The following POTED variants were observed in gnomAD, a reference collection of about 807,000 sequenced individuals.
The protein encoded by POTED is ANKRD26-like family B member 3.
Under a neutral mutation model 19.0 loss-of-function variants are expected in POTED, and 7 were observed. The ratio of observed to expected loss-of-function variants is 0.37; its 90% CI spans 0.21 to 0.69. The LOEUF (loss-of-function observed/expected upper bound fraction) is 0.69, where lower values mean the gene tolerates loss of function less well. Among genes scored for constraint, POTED ranks in the 30% least tolerant of loss-of-function variants. The pLI is 0.56. For synonymous variants in POTED, 16 were observed against 92.0 expected (o/e 0.17, Z 4.73); for missense variants, 54 against 278.5 (o/e 0.19, Z 5.74).
In POTED at chr21:13,612,508, G is replaced by T. The variant is rs1391385604; in HGVS notation, c.521+1759G>T. Among the ~76,000 whole-genome samples the T allele has an allele frequency of 4.0e-4, 33 of 82,040 alleles. 9 individuals are homozygous for T. Among genetic ancestry groups the T allele is most frequent in the Non-Finnish European group, 7.1e-4 (33 of 46,234 alleles). 53.8% of individuals were successfully genotyped at this position (82,040 alleles called of 152,430 possible). ...ATAAAAATAAATAAATAAATATAAA[G>T]GAATGAAATACTGTTTTCTGTCCAC... is the stretch of plus-strand genomic sequence containing the variant. On this transcript the variant is annotated intron_variant, in intron 1 of 10. Transcript: ENST00000299443.
Position 13,610,220 on chromosome 21 carries a change from T to A in POTED, c.-9T>A, listed in dbSNP as rs2011134186. 2.7e-6 allele frequency: 1 copy of A among 366,756 alleles called. No homozygotes were observed. The highest frequency in any genetic ancestry group is 4.1e-6 in the Non-Finnish European group (1 of 242,712). The allele number at this position is 366,756 out of a possible 1,614,324, so 22.7% of individuals were successfully genotyped here. A position where few individuals can be genotyped will look rare whatever the true frequency, so the allele number is the denominator to read the frequency against. ...GCTACTACCGGCCTCCCCTGGCTGTTAAAAGCAGATGGTGGCTGAGGTTTG... is the reference window on the plus strand; with the variant it reads ...GCTACTACCGGCCTCCCCTGGCTGTAAAAAGCAGATGGTGGCTGAGGTTTG... On this transcript the variant is annotated 5_prime_UTR_variant, in exon 1 of 11. Coordinates refer to ENST00000299443, the MANE Select transcript of POTED (RefSeq NM_174981.6).
chr21:13,610,785 G>A (rs2011138878), intron 1 of POTED, 36 bp downstream of exon 1: 1 of 1,070,422 alleles, frequency 9.3e-7, no homozygotes, highest in South Asian at 1.6e-5. Flanking sequence ...GCAGGACATG[G>A]GGGGATGATG....
chr21:13,617,419 A>G (rs1339107464), intron 3 of POTED, among the ~76,000 whole-genome samples: 1 of 80,204 alleles, frequency 1.2e-5, no homozygotes, highest in Non-Finnish European at 2.2e-5. Flanking sequence ...TATTGGCACT[A>G]TCTATCAGCT....
Position 13,609,787 on chromosome 21 carries a change from C to T in POTED, c.-442C>T, listed in dbSNP as rs1252008658. ...GCCCCGCACGCACATGACGGCTTGG[C>T]TTACCTGTAATGGGTGCGCTTCGCT... On this transcript the variant is annotated 5_prime_UTR_variant, in exon 1 of 11. Transcript: ENST00000299443. The T allele has an allele frequency of 9.9e-5, 12 of 120,722 alleles. 3 individuals carry two copies. The East Asian group carries it at 4.2e-3, about 42-fold the overall frequency. 7.5% of individuals were successfully genotyped at this position (120,722 alleles called of 1,614,324 possible). A position where few individuals can be genotyped will look rare whatever the true frequency, so the allele number is the denominator to read the frequency against.
At position 13,645,355 on chromosome 21, in the gene POTED, T is replaced by A. The variant is rs2011306266; in HGVS notation, c.*3789T>A. ...AAGGCAGCTAGGGAGAAAGGCAACATCACCTGCAAAGGGAATTCCATCAGA... is the reference window on the plus strand; with the variant it reads ...AAGGCAGCTAGGGAGAAAGGCAACAACACCTGCAAAGGGAATTCCATCAGA... On this transcript the variant is annotated 3_prime_UTR_variant, in exon 11 of 11. Transcript: ENST00000299443. Among the ~76,000 whole-genome samples, 1 of 130,806 alleles carries A rather than the reference T, an allele frequency of 7.6e-6. No individual in the cohort carries two copies. Among genetic ancestry groups the A allele is most frequent in the Non-Finnish European group, 1.6e-5 (1 of 60,926 alleles). 85.8% of individuals were successfully genotyped at this position (130,806 alleles called of 152,430 possible). A position where few individuals can be genotyped will look rare whatever the true frequency, so the allele number is the denominator to read the frequency against.
chr21:13,637,004 A>ATATATATATATATATATATATATATATTT (rs1481200854), intron 9 of POTED, among the ~76,000 whole-genome samples: 1 of 16,468 alleles, frequency 6.1e-5, no homozygotes. Flanking sequence ...ATATATATAT[A>ATATATATATATATATATATATATATATTT]TTTTTTTTTT....
intron 9 of POTED, 92 bp from the exon 10 acceptor site, chr21:13,639,423 A>G: frequency 2.0e-6 from 1 of 508,092 alleles, no homozygotes; most frequent in Non-Finnish European, 2.7e-6. Flanking sequence ...GCAGATATAC[A>G]TTGTGTGAAT....
chr21:13,637,677 G>T (rs2011244220), intron 9 of POTED, among the ~76,000 whole-genome samples: 1 of 77,058 alleles, frequency 1.3e-5, no homozygotes, highest in African/African-American at 1.0e-4. Flanking sequence ...TGTTGCTTTT[G>T]CTTTCAGGGT....
intron 6 of POTED, among the ~76,000 whole-genome samples, chr21:13,623,889 T>A (rs1263760141): frequency 2.2e-5 from 2 of 90,170 alleles, no homozygotes; most frequent in Admixed American, 2.2e-4. Context: ...AGTTAGGTTT[T>A]ATAAGTTGCA....
chr21:13,610,300 G>C lies in POTED; in HGVS notation c.72G>C (p.Met24Ile), dbSNP rs2123203130. Residue 24 changes from methionine to isoleucine, a missense_variant, in exon 1 of 11, where the codon ATG (methionine) becomes ATC (isoleucine). Physicochemically the swap from Met to Ile is conservative, Grantham distance 10. Transcript: ENST00000299443. The part of the protein sequence containing the change: ...VKKPFDLRSK[M>I]GKWCHHRFPC... ...AGCCATTTGATCTCAGGAGCAAGATGGGCAAGTGGTGCCACCACCGCTTCC... is the reference window on the plus strand; with the variant it reads ...AGCCATTTGATCTCAGGAGCAAGATCGGCAAGTGGTGCCACCACCGCTTCC... 4.2e-6 allele frequency: 2 copies of C among 474,882 alleles called. No individual in the cohort carries two copies. The highest frequency in any genetic ancestry group is 8.9e-5 in the Admixed American group (2 of 22,458). 29.4% of individuals were successfully genotyped at this position (474,882 alleles called of 1,614,324 possible).
In POTED at chr21:13,634,379, A is replaced by G. The variant is rs1359242009; in HGVS notation, c.1409+3272A>G. ...CATCAATTCTTAACTCAGTGGATGTATTTAAAGCATAAGTCAAATTGTGTC... is the reference window on the plus strand; with the variant it reads ...CATCAATTCTTAACTCAGTGGATGTGTTTAAAGCATAAGTCAAATTGTGTC... On this transcript the variant is annotated intron_variant, in intron 9 of 10. Coordinates refer to ENST00000299443, the MANE Select transcript of POTED (RefSeq NM_174981.6). Among the ~76,000 whole-genome samples, 23 of 82,192 alleles carry G rather than the reference A, an allele frequency of 2.8e-4. 5 individuals carry two copies. The allele number at this position is 82,192 out of a possible 152,430, so 53.9% of individuals were successfully genotyped here. A position where few individuals can be genotyped will look rare whatever the true frequency, so the allele number is the denominator to read the frequency against.
At position 13,643,902 on chromosome 21, in the gene POTED, AGAT is replaced by A. The variant is rs1239083750; in HGVS notation, c.*2339_*2341del. On this transcript the variant is annotated 3_prime_UTR_variant, in exon 11 of 11. Coordinates refer to ENST00000299443, the MANE Select transcript of POTED (RefSeq NM_174981.6). ...CCCAACCCACACCAACTGCCACTGA[AGAT>A]GAAGCCATGGTGGGCACAGAACCAA... 3.9e-4 allele frequency among the ~76,000 whole-genome samples: 29 copies of A among 73,464 alleles called. 8 individuals carry two copies. In the South Asian group the frequency reaches 0.01, roughly 26 times the overall value. 48.2% of individuals were successfully genotyped at this position (73,464 alleles called of 152,430 possible).
At position 13,645,102 on chromosome 21, in the gene POTED, C is replaced by T. The variant is rs1374871135; in HGVS notation, c.*3536C>T. Among the ~76,000 whole-genome samples the T allele has an allele frequency of 1.7e-4, 22 of 126,942 alleles. 2 individuals are homozygous for T. Among genetic ancestry groups the T allele is most frequent in the African/African-American group, 6.8e-4 (20 of 29,536 alleles). 83.3% of individuals were successfully genotyped at this position (126,942 alleles called of 152,430 possible). ...TCTGAGATATATGGGATTATATAAA[C>T]GACCAAATCTATGACTGATTAATGT... On this transcript the variant is annotated 3_prime_UTR_variant, in exon 11 of 11. Coordinates refer to ENST00000299443, the MANE Select transcript of POTED (RefSeq NM_174981.6).
chr21:13,627,662 A>AT, intron 6 of POTED, among the ~76,000 whole-genome samples: 1 of 35,350 alleles, frequency 2.8e-5, no homozygotes, highest in Admixed American at 2.8e-4. Flanking sequence ...AGCTCAGCGG[A>AT]TTTGCATCAA....
At chr21:13,616,137 G>GTT (rs1328803725) in intron 3 of POTED, among the ~76,000 whole-genome samples, 1 of 68,004 alleles carries the variant, frequency 1.5e-5, no homozygotes, top group Non-Finnish European at 2.7e-5. Context: ...CCATGAAGAG[G>GTT]TTGTGTGTGT....
chr21:13,631,579 G>A (rs2123219321), intron 9 of POTED, among the ~76,000 whole-genome samples: 1 of 55,832 alleles, frequency 1.8e-5, no homozygotes, highest in Admixed American at 1.7e-4. Context: ...CCACTAATGA[G>A]TAAGAATATG....
Position 13,636,992 on chromosome 21 carries a change from G to GTATATA in POTED, c.1410-2515_1410-2510dup, listed in dbSNP as rs1367233527. Among the ~76,000 whole-genome samples, 2 of 13,094 alleles carry GTATATA rather than the reference G, an allele frequency of 1.5e-4. 1 individual carries two copies. The highest frequency in any genetic ancestry group is 2.5e-4 in the Non-Finnish European group (2 of 8,112). 8.6% of individuals were successfully genotyped at this position (13,094 alleles called of 152,430 possible). ...TCCTTTATGAATTACCCAGTCTCAG[G>GTATATA]TATATATATATATTTTTTTTTTTTT... On this transcript the variant is annotated intron_variant, in intron 9 of 10. Transcript: ENST00000299443.
At position 13,609,862 on chromosome 21, in the gene POTED, G is replaced by T. The variant is rs1173499923; in HGVS notation, c.-367G>T. On this transcript the variant is annotated 5_prime_UTR_variant, in exon 1 of 11. Transcript: ENST00000299443. ...TTCCTAGCTTGGCTTGGCGTTAGTC[G>T]CTTTGCCTGGTGTTTCTTGCTTGGA... 1 of 165,782 alleles carries T rather than the reference G, an allele frequency of 6.0e-6. No homozygotes were observed. The highest frequency in any genetic ancestry group is 1.0e-5 in the Non-Finnish European group (1 of 100,366). The allele number at this position is 165,782 out of a possible 1,614,324, so 10.3% of individuals were successfully genotyped here. A position where few individuals can be genotyped will look rare whatever the true frequency, so the allele number is the denominator to read the frequency against.
At position 13,639,649 on chromosome 21, in the gene POTED, T is replaced by C; in HGVS notation, c.1533+11T>C. The C allele has an allele frequency of 1.8e-6, 1 of 547,522 alleles. No individual in the cohort carries two copies. Among genetic ancestry groups the C allele is most frequent in the Non-Finnish European group, 2.5e-6 (1 of 395,918 alleles). 33.9% of individuals were successfully genotyped at this position (547,522 alleles called of 1,614,324 possible). A position where few individuals can be genotyped will look rare whatever the true frequency, so the allele number is the denominator to read the frequency against. On this transcript the variant is annotated intron_variant, in intron 10 of 10. Coordinates refer to ENST00000299443, the MANE Select transcript of POTED (RefSeq NM_174981.6). ...AAAATGAATTCTGAGGTATTTTCTTTAGTCATTTTCAAATGTTTTCATATG... is the reference window on the plus strand; with the variant it reads ...AAAATGAATTCTGAGGTATTTTCTTCAGTCATTTTCAAATGTTTTCATATG...
Sources: gnomAD v4.1 joint callset for allele counts (sites outside exome capture counted in the v4.1 genomes callset) on GRCh38, gnomAD v4.1.1 for gene constraint, MANE v1.5 for transcripts, NCBI Gene and HGNC (gene_info 2026-07-23, HGNC 2026-07-21) for gene names.